EPHB1: variants seen among roughly 807,000 people sequenced by gnomAD.
The protein encoded by EPHB1 is EPH receptor B1, also known as ephrin type-B receptor 1.
A neutral mutation model predicts 94.4 loss-of-function variants in EPHB1; 30 were observed. The observed-to-expected ratio is 0.32, with a 90% confidence interval of 0.24 to 0.43. The LOEUF (loss-of-function observed/expected upper bound fraction) is 0.43, where lower values mean the gene tolerates loss of function less well. Among genes scored for constraint, EPHB1 ranks in the 20% least tolerant of loss-of-function variants. The pLI, the probability that EPHB1 is intolerant of heterozygous loss-of-function variation, is 1.00. For synonymous variants in EPHB1, 522 were observed against 489.1 expected (o/e 1.07, Z -0.89); for missense variants, 1,055 against 1,308.3 (o/e 0.81, Z 2.99).
chr3:134,825,140 G>C (rs2036452489), intron 1 of EPHB1, among the ~76,000 whole-genome samples: 1 of 152,258 alleles, frequency 6.6e-6, no homozygotes, highest in Non-Finnish European at 1.5e-5. Flanking sequence ...TCCAGGGTCA[G>C]TGGTCACAGT....
chr3:135,021,482 T>C (rs1935986194), intron 3 of EPHB1, among the ~76,000 whole-genome samples: 2 of 152,286 alleles, frequency 1.3e-5, no homozygotes, highest in South Asian at 4.1e-4. Flanking sequence ...TGGTTATTTC[T>C]GGTATTAAAG....
At chr3:134,845,703 G>A (rs981791429) in intron 1 of EPHB1, among the ~76,000 whole-genome samples, 1 of 152,284 alleles carries the variant, frequency 6.6e-6, no homozygotes, top group South Asian at 2.1e-4. Context: ...AGGCAGTAAC[G>A]GTTATATACA....
At chr3:134,932,216 CTAACTCCTGA>C (rs1001510409) in intron 2 of EPHB1, among the ~76,000 whole-genome samples, 1 of 152,170 alleles carries the variant, frequency 6.6e-6, no homozygotes, top group African/African-American at 2.4e-5. Flanking sequence ...GTTTGGTAAA[CTAACTCCTGA>C]TACGAGCTAC....
intron 1 of EPHB1, among the ~76,000 whole-genome samples, chr3:134,831,981 G>T (rs2036589775): frequency 6.6e-6 from 1 of 152,218 alleles, no homozygotes; most frequent in African/African-American, 2.4e-5. Context: ...TGTGAGAGCG[G>T]CATTGTTCAG....
chr3:135,060,110 A>G (rs567064812), intron 3 of EPHB1, among the ~76,000 whole-genome samples: 2 of 152,358 alleles, frequency 1.3e-5, no homozygotes, highest in South Asian at 2.1e-4. Flanking sequence ...CTGCGCAATC[A>G]TTACCGTGAT....
At chr3:135,192,337 AG>A (rs1942481138) in intron 10 of EPHB1, among the ~76,000 whole-genome samples, 9 of 152,108 alleles carry the variant, frequency 5.9e-5, no homozygotes, top group South Asian at 2.1e-4. Context: ...ATTCCACTTT[AG>A]TTACCCAAAC....
chr3:135,094,428 G>T (rs1442124986), intron 3 of EPHB1, among the ~76,000 whole-genome samples: 1 of 152,146 alleles, frequency 6.6e-6, no homozygotes, highest in Non-Finnish European at 1.5e-5. Context: ...GGGGCAGATC[G>T]ACATGTTTAT....
rs984335916 is a variant in EPHB1, at chr3:135,192,831, C to G, written c.2130+8C>G. The G allele has an allele frequency of 2.9e-5, 47 of 1,611,564 alleles. No individual in the cohort carries two copies. The highest frequency in any genetic ancestry group is 3.9e-5 in the Non-Finnish European group (46 of 1,178,068). ...TTGGATTCTTTCCTCAGGGTAAGAG[C>G]AACTCAGGGGTTTGATGATGCACTT... On this transcript the variant is annotated splice_region_variant and intron_variant, in intron 11 of 15. Transcript: ENST00000398015.
chr3:135,052,931 G>GTATATATGTGTGTATATA (rs1397817448), intron 3 of EPHB1, among the ~76,000 whole-genome samples: 1 of 93,822 alleles, frequency 1.1e-5, no homozygotes, highest in Non-Finnish European at 1.8e-5. Flanking sequence ...GTGTGTGTGT[G>GTATATATGTGTGTATATA]TATATATGTG....
intron 3 of EPHB1, among the ~76,000 whole-genome samples, chr3:135,101,674 G>A (rs187748608): frequency 2.3e-4 from 35 of 152,158 alleles, no homozygotes; most frequent in Non-Finnish European, 2.6e-4. Flanking sequence ...AAGCCACCAC[G>A]CCTGGCCTGA....
chr3:135,113,946 A>G (rs2107802620), intron 4 of EPHB1, among the ~76,000 whole-genome samples: 1 of 152,306 alleles, frequency 6.6e-6, no homozygotes, highest in Non-Finnish European at 1.5e-5. Flanking sequence ...CTCCAGAGCA[A>G]GGTTCAGTAG....
chr3:134,921,697 G>T (rs2038689758), intron 1 of EPHB1, among the ~76,000 whole-genome samples: 1 of 152,178 alleles, frequency 6.6e-6, no homozygotes, highest in Non-Finnish European at 1.5e-5. Flanking sequence ...TACCATATCA[G>T]ATTTTGACAT....
At chr3:135,179,664 G>A (rs1030903614) in intron 9 of EPHB1, among the ~76,000 whole-genome samples, 196 bp from the exon 10 acceptor site, 1 of 152,188 alleles carries the variant, frequency 6.6e-6, no homozygotes, top group Non-Finnish European at 1.5e-5. Flanking sequence ...GTAGAGGACA[G>A]AGAATCAGTC....
chr3:135,103,189 T>C (rs928752251), intron 3 of EPHB1, among the ~76,000 whole-genome samples: 4 of 152,134 alleles, frequency 2.6e-5, no homozygotes, highest in Admixed American at 2.6e-4. Flanking sequence ...TTAGGAATGC[T>C]GCTTCTTATA....
chr3:135,065,161 TA>T (rs549211704), intron 3 of EPHB1, among the ~76,000 whole-genome samples: 52 of 152,288 alleles, frequency 3.4e-4, no homozygotes, highest in African/African-American at 1.2e-3. Context: ...CACTGTTGAA[TA>T]GAATGTGTAT....
In EPHB1 at chr3:135,103,191, C is replaced by T. The variant is rs185090388; in HGVS notation, c.806-3257C>T. 3.7e-3 allele frequency among the ~76,000 whole-genome samples: 560 copies of T among 151,970 alleles called. 2 individuals carry two copies. Among genetic ancestry groups the T allele is most frequent in the Middle Eastern group, 6.8e-3 (2 of 294 alleles). ...TTAATAAATGAATTTAGGAATGCTGCTTCTTATATAAATTAAGGCATGCCT... is the reference window on the plus strand; with the variant it reads ...TTAATAAATGAATTTAGGAATGCTGTTTCTTATATAAATTAAGGCATGCCT... On this transcript the variant is annotated intron_variant, in intron 3 of 15. Transcript: ENST00000398015.
intron 12 of EPHB1, among the ~76,000 whole-genome samples, chr3:135,207,830 C>T (rs1181661873): frequency 1.3e-5 from 2 of 152,176 alleles, no homozygotes; most frequent in Non-Finnish European, 2.9e-5. Flanking sequence ...GGCTCTATTC[C>T]TGGTTATGTC....
At chr3:135,192,514 T>G (rs1942487226) in intron 10 of EPHB1, 62 bp from the exon 11 acceptor site, 1 of 1,577,738 alleles carries the variant, frequency 6.3e-7, no homozygotes, top group Non-Finnish European at 8.6e-7. Flanking sequence ...ATTAGATGAC[T>G]TCCCTCTTGA....
intron 3 of EPHB1, among the ~76,000 whole-genome samples, chr3:134,992,845 T>C (rs1022844006): frequency 6.6e-6 from 1 of 152,140 alleles, no homozygotes; most frequent in Non-Finnish European, 1.5e-5. Flanking sequence ...TGTATTTGCT[T>C]CCCTGGGTGC....
Sources: gnomAD v4.1 joint callset for allele counts (sites outside exome capture counted in the v4.1 genomes callset) on GRCh38, gnomAD v4.1.1 for gene constraint, MANE v1.5 for transcripts, NCBI Gene and HGNC (gene_info 2026-07-23, HGNC 2026-07-21) for gene names.